KIF26B: variants seen among roughly 807,000 people sequenced by gnomAD.
KIF26B encodes the protein kinesin family member 26B, also known as kinesin-like protein KIF26B.
In KIF26B, 63 loss-of-function variants were observed where a neutral mutation model predicts 151.2. The observed-to-expected ratio is 0.42, with a 90% CI of 0.34 to 0.51. The LOEUF is 0.51. Ranked by LOEUF, KIF26B falls within the 20% of genes least tolerant of loss-of-function variation. The pLI is 0.07. For synonymous variants in KIF26B, 1,357 were observed against 1,262.1 expected, an observed-to-expected ratio of 1.08 and a Z score of -1.59; for missense variants, 2,813 against 2,913.6, an observed-to-expected ratio of 0.97 and a Z score of 0.79.
Position 245,438,327 on chromosome 1 carries a change from C to G in KIF26B, c.1166+18582C>G, listed in dbSNP as rs150802506. Among the ~76,000 whole-genome samples the G allele has an allele frequency of 5.8e-3, 884 of 152,324 alleles. 11 individuals carry two copies. Among genetic ancestry groups the G allele is most frequent in the African/African-American group, 0.021 (856 of 41,568 alleles). ...GCAGTCCTGGAGGACACAGAAAGCT[C>G]TAAAGAAGTACAGACACAACTTCAA... On this transcript the variant is annotated intron_variant, in intron 4 of 14. Transcript: ENST00000407071.
At chr1:245,565,632 T>C (rs910000009) in intron 5 of KIF26B, among the ~76,000 whole-genome samples, 10 of 152,230 alleles carry the variant, frequency 6.6e-5, no homozygotes, top group African/African-American at 2.4e-4. Context: ...GTTGCTTGCA[T>C]GTGAGTTCTT....
chr1:245,315,599 G>A (rs539686129), intron 2 of KIF26B, among the ~76,000 whole-genome samples: 1 of 151,742 alleles, frequency 6.6e-6, no homozygotes, highest in South Asian at 2.1e-4. Context: ...GCGGGCACCT[G>A]TAATCCCAGC....
intron 4 of KIF26B, among the ~76,000 whole-genome samples, chr1:245,429,303 G>C (rs1047117892): frequency 3.9e-5 from 6 of 152,176 alleles, no homozygotes; most frequent in African/African-American, 9.7e-5. Flanking sequence ...TTGAGTAGAT[G>C]ACTTTTCGTT....
chr1:245,310,906 T>C (rs1316536871), intron 2 of KIF26B, among the ~76,000 whole-genome samples: 2 of 152,052 alleles, frequency 1.3e-5, no homozygotes, highest in Non-Finnish European at 2.9e-5. Context: ...CAAAGCACTT[T>C]CCTGGTGTCA....
chr1:245,642,329 A>C (rs1040592179), intron 9 of KIF26B, among the ~76,000 whole-genome samples: 2 of 152,154 alleles, frequency 1.3e-5, no homozygotes, highest in African/African-American at 4.8e-5. Flanking sequence ...TGTGTTACTC[A>C]GCAAGTCTCT....
intron 2 of KIF26B, among the ~76,000 whole-genome samples, chr1:245,195,717 GA>G: frequency 6.6e-6 from 1 of 152,288 alleles, no homozygotes; most frequent in Middle Eastern, 3.4e-3. Context: ...GCCAAACACC[GA>G]AAGAGCTATG....
chr1:245,647,919 C>T (rs778726458), intron 10 of KIF26B, among the ~76,000 whole-genome samples: 1 of 152,112 alleles, frequency 6.6e-6, no homozygotes, highest in Admixed American at 6.6e-5. Context: ...TTGTAACAAC[C>T]CTTTTCTATG....
At chr1:245,416,280 CAAAAAAA>C (rs34744401) in intron 3 of KIF26B, among the ~76,000 whole-genome samples, 5 of 51,436 alleles carry the variant, frequency 9.7e-5, no homozygotes, top group Non-Finnish European at 1.6e-4. Context: ...AACTCTGTCT[CAAAAAAA>C]AAAAAAAAAA....
chr1:245,613,431 C>T (rs10924255), intron 9 of KIF26B, among the ~76,000 whole-genome samples: 54,581 of 151,810 alleles, frequency 0.36, 10,484 homozygotes, highest in East Asian at 0.58. Flanking sequence ...GGAGAAACCC[C>T]GTCTCTACTA....
chr1:245,556,993 A>G (rs1342928934), intron 5 of KIF26B, among the ~76,000 whole-genome samples: 5 of 152,142 alleles, frequency 3.3e-5, no homozygotes, highest in Non-Finnish European at 7.3e-5. Flanking sequence ...ACATTATGTA[A>G]CACACTGGGA....
chr1:245,518,070 C>T (rs1661011272), intron 4 of KIF26B, among the ~76,000 whole-genome samples: 1 of 152,026 alleles, frequency 6.6e-6, no homozygotes, highest in African/African-American at 2.4e-5. Flanking sequence ...CGAGGGTTCA[C>T]CATCTTGGCC....
intron 3 of KIF26B, among the ~76,000 whole-genome samples, chr1:245,408,647 G>A (rs4658457): frequency 0.07 from 10,579 of 152,126 alleles, 505 homozygotes; most frequent in African/African-American, 0.13. Context: ...GAGCCACCGC[G>A]TCCGGCCCCA....
intron 12 of KIF26B, among the ~76,000 whole-genome samples, chr1:245,689,854 AG>A (rs1226186497): frequency 6.6e-6 from 1 of 152,156 alleles, no homozygotes; most frequent in African/African-American, 2.4e-5. Flanking sequence ...CACCACACCC[AG>A]TCAGTCTTTG....
At chr1:245,347,902 C>T (rs991650570) in intron 2 of KIF26B, among the ~76,000 whole-genome samples, 10 of 152,224 alleles carry the variant, frequency 6.6e-5, no homozygotes, top group Non-Finnish European at 8.8e-5. Flanking sequence ...AAGTGTTTTA[C>T]GTGTATTCAC....
intron 2 of KIF26B, among the ~76,000 whole-genome samples, chr1:245,256,866 T>C (rs772267129): frequency 6.6e-6 from 1 of 152,214 alleles, no homozygotes; most frequent in Non-Finnish European, 1.5e-5. Context: ...ATTTCTTTGA[T>C]GTATTTTGAA....
At chr1:245,604,910 C>T (rs1715794) in intron 6 of KIF26B, among the ~76,000 whole-genome samples, 70,573 of 152,030 alleles carry the variant, frequency 0.46, 16,673 homozygotes, top group East Asian at 0.62. Flanking sequence ...CACTGATGTT[C>T]TCATGTGACA....
chr1:245,250,846 G>A (rs1473608762), intron 2 of KIF26B, among the ~76,000 whole-genome samples: 1 of 152,146 alleles, frequency 6.6e-6, no homozygotes, highest in East Asian at 1.9e-4. Context: ...CGTATTGGGG[G>A]TTCCCAAGAC....
rs1243921707 is a variant in KIF26B at position 245,704,820 on chromosome 1, C to T, written c.*2214C>T. ...AGGGAAGCCAATCCTTCGAGTTTGC[C>T]ATTGGGCTGCTGGTTGCTGGTTTCA... On this transcript the variant is annotated 3_prime_UTR_variant, in exon 15 of 15. Transcript: ENST00000407071. The T allele has an allele frequency of 1.3e-5, 2 of 152,196 alleles. No homozygotes were observed. The highest frequency in any genetic ancestry group is 2.9e-5 in the Non-Finnish European group (2 of 68,050). The allele number at this position is 152,196 out of a possible 1,614,324, so 9.4% of individuals were successfully genotyped here. A position where few individuals can be genotyped will look rare whatever the true frequency, so the allele number is the denominator to read the frequency against.
intron 4 of KIF26B, among the ~76,000 whole-genome samples, chr1:245,439,824 G>A (rs1022903865): frequency 1.3e-5 from 2 of 152,226 alleles, no homozygotes; most frequent in Non-Finnish European, 2.9e-5. Context: ...AACTAAATGT[G>A]TTGGACATCA....
Sources: gnomAD v4.1 joint callset for allele counts (sites outside exome capture counted in the v4.1 genomes callset) on GRCh38, gnomAD v4.1.1 for gene constraint, MANE v1.5 for transcripts, NCBI Gene and HGNC (gene_info 2026-07-23, HGNC 2026-07-21) for gene names.